The following KREMEN1 variants were observed in gnomAD, a reference collection of about 807,000 sequenced individuals.
KREMEN1 encodes the protein kringle containing transmembrane protein 1, also known as kremen protein 1.
In KREMEN1, 30 loss-of-function variants were observed where a neutral mutation model predicts 46.5. The ratio of observed to expected loss-of-function variants is 0.65; its 90% CI spans 0.48 to 0.88. KREMEN1 has a LOEUF of 0.88. KREMEN1 is among the 40% of genes least tolerant of loss of function. The pLI, the probability that KREMEN1 is intolerant of heterozygous loss-of-function variation, is 0.00. For missense variants in KREMEN1, 533 were observed against 596.9 expected (o/e 0.89, Z 1.11); for synonymous variants, 214 against 230.6 (o/e 0.93, Z 0.65).
intron 5 of KREMEN1, among the ~76,000 whole-genome samples, chr22:29,132,648 T>C (rs1486408840): frequency 6.6e-6 from 1 of 152,214 alleles, no homozygotes; most frequent in East Asian, 1.9e-4. Context: ...GAACATCTTT[T>C]TGTATTCTTA....
intron 6 of KREMEN1, among the ~76,000 whole-genome samples, 183 bp downstream of exon 6, chr22:29,137,857 G>A (rs1284084898): frequency 6.6e-6 from 1 of 152,180 alleles, no homozygotes; most frequent in Non-Finnish European, 1.5e-5. Context: ...ACTCATTTAT[G>A]TTTCATGAGA....
chr22:29,113,105 A>G (rs1486794955), intron 3 of KREMEN1, among the ~76,000 whole-genome samples: 1 of 152,204 alleles, frequency 6.6e-6, no homozygotes, highest in African/African-American at 2.4e-5. Flanking sequence ...CTATAAGAAA[A>G]GGGGTCAGAG....
At chr22:29,167,556 G>A (rs1486509970) in exon 10 of KREMEN1, 1 of 159,878 alleles carries the variant, frequency 6.3e-6, no homozygotes, top group African/African-American at 2.4e-5. Context: ...AGCGGAAGGA[G>A]GGACTTCCCA....
intron 5 of KREMEN1, among the ~76,000 whole-genome samples, chr22:29,133,114 G>A (rs1178294856): frequency 6.6e-6 from 1 of 152,068 alleles, no homozygotes; most frequent in Non-Finnish European, 1.5e-5. Flanking sequence ...CAGGCGAGGT[G>A]GCGCATGCCT....
exon 10 of KREMEN1, chr22:29,167,522 C>T (rs2039063708): frequency 6.0e-6 from 1 of 167,202 alleles, no homozygotes; most frequent in Non-Finnish European, 1.3e-5. Context: ...GGAAACAGCA[C>T]ACAGCAAGCA....
intron 3 of KREMEN1, among the ~76,000 whole-genome samples, chr22:29,100,462 G>A (rs1265117584): frequency 6.6e-6 from 1 of 152,138 alleles, no homozygotes; most frequent in African/African-American, 2.4e-5. Context: ...GCCTACTGAT[G>A]TTGTAGCTGT....
rs1277237251 is a variant in KREMEN1, at chr22:29,073,753, C to G, written c.97+526C>G. 6.6e-6 allele frequency among the ~76,000 whole-genome samples: 1 copy of G among 150,444 alleles called. No homozygotes were observed. Among genetic ancestry groups the G allele is most frequent in the Non-Finnish European group, 1.5e-5 (1 of 67,414 alleles). ...CAGCGACTCCCCACGGGCCAGGAGG[C>G]CCCCTGCTCCCCGGTACCTCCTGGG... On this transcript the variant is annotated intron_variant, in intron 1 of 8. Coordinates refer to ENST00000400335, the MANE Select transcript of KREMEN1 (RefSeq NM_001039570.3). This position sits in a 1 kb window ranked among gnomAD's most constrained non-coding sequence, Gnocchi z 4.4.
rs2037511988 is a variant in KREMEN1 at position 29,073,596 on chromosome 22, G to T, written c.97+369G>T. Among the ~76,000 whole-genome samples the T allele has an allele frequency of 6.6e-6, 1 of 151,846 alleles. No homozygotes were observed. The highest frequency in any genetic ancestry group is 2.4e-5 in the African/African-American group (1 of 41,328). On this transcript the variant is annotated intron_variant, in intron 1 of 8. Coordinates refer to ENST00000400335, the MANE Select transcript of KREMEN1 (RefSeq NM_001039570.3). This position sits in a 1 kb window ranked among gnomAD's most constrained non-coding sequence, Gnocchi z 4.4. ...GGACCCGCTGCCCGAGTCCCTCAGC[G>T]ACCCCAACCAGGCCGGGACGCCCCC...
At chr22:29,160,804 G>A (rs1243658067) in intron 9 of KREMEN1, among the ~76,000 whole-genome samples, 1 of 151,982 alleles carries the variant, frequency 6.6e-6, no homozygotes, top group Non-Finnish European at 1.5e-5. Context: ...ATCTAATATC[G>A]CACATAGAGG....
At chr22:29,120,764 C>T (rs1310558146) in intron 3 of KREMEN1, among the ~76,000 whole-genome samples, 3 of 148,100 alleles carry the variant, frequency 2.0e-5, no homozygotes, top group African/African-American at 7.5e-5. Flanking sequence ...CCACTAACAC[C>T]TTGAGTTTAG....
intron 9 of KREMEN1, among the ~76,000 whole-genome samples, chr22:29,159,641 A>AAC (rs2038993557): frequency 3.8e-5 from 1 of 26,032 alleles, no homozygotes; most frequent in African/African-American, 9.7e-5. Flanking sequence ...CAAAAACAAA[A>AAC]ATAAATAAAT....
At chr22:29,076,029 T>C (rs998843204) in intron 1 of KREMEN1, among the ~76,000 whole-genome samples, 3 of 152,180 alleles carry the variant, frequency 2.0e-5, no homozygotes, top group Non-Finnish European at 2.9e-5. Flanking sequence ...AGAAGGAAAG[T>C]AGAAGGTAAT....
In KREMEN1 at chr22:29,140,278, G is replaced by A. The variant is rs776966627; in HGVS notation, c.1124-4G>A. ...CTGGTAAGCTCTGTCTTTTGCACTT[G>A]CAGGATGGACAGTCTATGGTCTGGC... On this transcript the variant is annotated splice_region_variant and splice_polypyrimidine_tract_variant and intron_variant, in intron 7 of 8. Coordinates refer to ENST00000400335, the MANE Select transcript of KREMEN1 (RefSeq NM_001039570.3). 2.2e-5 allele frequency: 36 copies of A among 1,612,924 alleles called. No individual in the cohort carries two copies. Among genetic ancestry groups the A allele is most frequent in the Non-Finnish European group, 2.7e-5 (32 of 1,179,002 alleles).
At chr22:29,110,870 G>A (rs775029188) in intron 3 of KREMEN1, among the ~76,000 whole-genome samples, 1 of 152,148 alleles carries the variant, frequency 6.6e-6, no homozygotes, top group Non-Finnish European at 1.5e-5. Context: ...GTCTGAGGGT[G>A]TGGATGAATC....
intron 1 of KREMEN1, among the ~76,000 whole-genome samples, chr22:29,084,828 C>T (rs2037706311): frequency 6.6e-6 from 1 of 152,100 alleles, no homozygotes; most frequent in Admixed American, 6.6e-5. Context: ...AATAGAAGAC[C>T]TCATGTCCCC....
At chr22:29,093,366 T>C (rs531521695) in intron 1 of KREMEN1, among the ~76,000 whole-genome samples, 1 of 152,364 alleles carries the variant, frequency 6.6e-6, no homozygotes, top group Non-Finnish European at 1.5e-5. Flanking sequence ...GAAGTGCTTC[T>C]GTCAGTTTCA....
At chr22:29,117,319 G>T (rs746192134) in intron 3 of KREMEN1, among the ~76,000 whole-genome samples, 6 of 152,186 alleles carry the variant, frequency 3.9e-5, no homozygotes, top group Non-Finnish European at 8.8e-5. Context: ...TGTAATCCCA[G>T]CACTTTGGGA....
chr22:29,158,534 T>C (rs2038983713), intron 9 of KREMEN1, among the ~76,000 whole-genome samples: 1 of 152,162 alleles, frequency 6.6e-6, no homozygotes, highest in Admixed American at 6.5e-5. Flanking sequence ...GCCTCCACAG[T>C]CACACAGAGC....
chr22:29,106,480 C>T (rs1489931444), intron 3 of KREMEN1, among the ~76,000 whole-genome samples: 3 of 151,922 alleles, frequency 2.0e-5, no homozygotes, highest in Admixed American at 6.6e-5. Flanking sequence ...CCGCCCGCCT[C>T]GGCCTCCCAA....
Sources: allele counts gnomAD v4.1 joint callset (sites outside exome capture counted in the v4.1 genomes callset), GRCh38; gene constraint gnomAD v4.1.1; non-coding constraint Gnocchi (gnomAD v3.1); transcripts MANE v1.5; gene names NCBI Gene and HGNC (gene_info 2026-07-23, HGNC 2026-07-21).